Variants in CNTN3 observed in about 807,000 individuals in gnomAD.
CNTN3 encodes contactin-3.
Under a neutral mutation model 119.1 loss-of-function variants are expected in CNTN3, and 60 were observed. The observed-to-expected ratio is 0.50, with a 90% CI of 0.41 to 0.62. The LOEUF is 0.62. CNTN3 is among the 20% of genes least tolerant of loss of function. The pLI is 0.00. For synonymous variants in CNTN3, 450 were observed against 438.7 expected, an observed-to-expected ratio of 1.03 and a Z score of -0.32; for missense variants, 1,101 against 1,242.4, an observed-to-expected ratio of 0.89 and a Z score of 1.71.
chr3:74,446,107 G>A (rs111967643), intron 4 of CNTN3, among the ~76,000 whole-genome samples: 4,922 of 152,188 alleles, frequency 0.032, 112 homozygotes, highest in Non-Finnish European at 0.05. Context: ...CAGAAGAACT[G>A]GCCTTGAGTC....
intron 5 of CNTN3, among the ~76,000 whole-genome samples, chr3:74,372,826 CAGG>C (rs1292413196): frequency 7.9e-5 from 12 of 151,970 alleles, no homozygotes; most frequent in Admixed American, 7.9e-4. Context: ...CCTTAAAGGA[CAGG>C]AGAACACCCC....
chr3:74,328,309 T>C (rs1410436344), intron 13 of CNTN3, among the ~76,000 whole-genome samples: 1 of 152,190 alleles, frequency 6.6e-6, no homozygotes, highest in Non-Finnish European at 1.5e-5. Flanking sequence ...TTATTTTATT[T>C]TCATGACAAA....
intron 13 of CNTN3, among the ~76,000 whole-genome samples, chr3:74,314,048 T>C (rs754522360): frequency 1.3e-5 from 2 of 152,188 alleles, no homozygotes; most frequent in Non-Finnish European, 2.9e-5. Context: ...CATGAGGGCT[T>C]TACCCCAATG....
intron 4 of CNTN3, among the ~76,000 whole-genome samples, chr3:74,459,549 T>G (rs1702328116): frequency 6.6e-6 from 1 of 152,022 alleles, no homozygotes; most frequent in African/African-American, 2.4e-5. Flanking sequence ...TCTCTGTAAA[T>G]TCTAGGGTTC....
At chr3:74,334,644 A>C in intron 13 of CNTN3, 91 bp downstream of exon 13, 1 of 1,142,508 alleles carries the variant, frequency 8.8e-7, no homozygotes, top group Non-Finnish European at 1.2e-6. Context: ...AAACATTTCT[A>C]GAGCATTGTC....
Position 74,502,002 on chromosome 3 carries a change from C to A in CNTN3, c.56-2217G>T, listed in dbSNP as rs180722657. On this transcript the variant is annotated intron_variant, in intron 2 of 22. Transcript: ENST00000263665. ...AATTGAATTTATTGTCCTAGAAAGT[C>A]GAAAATATTTGTGATGTCTTTTTAC... 2.0e-5 allele frequency among the ~76,000 whole-genome samples: 3 copies of A among 151,922 alleles called. No individual in the cohort carries two copies. In the South Asian group the frequency reaches 6.2e-4, roughly 31 times the overall value.
intron 13 of CNTN3, among the ~76,000 whole-genome samples, chr3:74,310,853 C>T (rs1215171774): frequency 6.6e-6 from 1 of 152,138 alleles, no homozygotes; most frequent in Non-Finnish European, 1.5e-5. Context: ...TCTGCCACAG[C>T]CTTCCAGATC....
At chr3:74,284,596 AT>A (rs1378403663) in intron 20 of CNTN3, among the ~76,000 whole-genome samples, 1 of 152,206 alleles carries the variant, frequency 6.6e-6, no homozygotes. Context: ...AAACATTTGC[AT>A]TGTAAGTACC....
At chr3:74,392,974 G>A (rs189834349) in intron 5 of CNTN3, among the ~76,000 whole-genome samples, 1 of 151,916 alleles carries the variant, frequency 6.6e-6, no homozygotes, top group Admixed American at 6.6e-5. Context: ...TTCATAAATG[G>A]TACTGTGTTA....
intron 3 of CNTN3, among the ~76,000 whole-genome samples, chr3:74,494,843 T>A (rs777220648): frequency 2.6e-5 from 4 of 152,100 alleles, no homozygotes; most frequent in Non-Finnish European, 4.4e-5. Context: ...TACAGCCTAC[T>A]AGGGCAATCT....
intron 2 of CNTN3, among the ~76,000 whole-genome samples, chr3:74,512,768 T>G (rs544028060): frequency 1.3e-5 from 2 of 150,708 alleles, no homozygotes; most frequent in Non-Finnish European, 3.0e-5. Flanking sequence ...GTAAAATTAT[T>G]CCTTAATGAA....
At chr3:74,582,606 C>T (rs1230339339) in intron 1 of CNTN3, among the ~76,000 whole-genome samples, 1 of 152,154 alleles carries the variant, frequency 6.6e-6, no homozygotes, top group Non-Finnish European at 1.5e-5. Flanking sequence ...CTTACAGCAT[C>T]AGCCATGCAA....
At chr3:74,586,955 A>G (rs1489788790) in intron 1 of CNTN3, among the ~76,000 whole-genome samples, 1 of 151,994 alleles carries the variant, frequency 6.6e-6, no homozygotes, top group Non-Finnish European at 1.5e-5. Flanking sequence ...TGACTTGACT[A>G]TGGTGAACTG....
chr3:74,335,452 C>T (rs1703368869), intron 12 of CNTN3, among the ~76,000 whole-genome samples: 1 of 152,120 alleles, frequency 6.6e-6, no homozygotes, highest in African/African-American at 2.4e-5. Context: ...ACATTTCTTT[C>T]TCCCTGTCAT....
intron 1 of CNTN3, among the ~76,000 whole-genome samples, chr3:74,570,563 C>T (rs1575837041): frequency 6.6e-6 from 1 of 151,314 alleles, no homozygotes; most frequent in South Asian, 2.1e-4. Flanking sequence ...AAAAAATGAT[C>T]CTACCTGGGA....
intron 1 of CNTN3, among the ~76,000 whole-genome samples, chr3:74,566,298 C>T (rs1346849257): frequency 6.6e-6 from 1 of 152,126 alleles, no homozygotes; most frequent in East Asian, 1.9e-4. Flanking sequence ...TGTTACCACC[C>T]CCAGGCCACC....
chr3:74,430,373 T>C (rs1193223376), intron 4 of CNTN3, among the ~76,000 whole-genome samples: 1 of 152,214 alleles, frequency 6.6e-6, no homozygotes, highest in Non-Finnish European at 1.5e-5. Flanking sequence ...TTATGCTGAC[T>C]GAAATATGCC....
chr3:74,348,591 T>A (rs79313754), intron 11 of CNTN3, among the ~76,000 whole-genome samples: 1 of 152,042 alleles, frequency 6.6e-6, no homozygotes, highest in Non-Finnish European at 1.5e-5. Flanking sequence ...GGAGAGACCA[T>A]AAGCAGAGGC....
intron 1 of CNTN3, among the ~76,000 whole-genome samples, chr3:74,541,751 T>C (rs9839847): frequency 0.99 from 150,697 of 152,298 alleles, 74,567 homozygotes; most frequent in Middle Eastern, 1. Context: ...TACATACATG[T>C]ATCATATATT....
Sources: allele counts gnomAD v4.1 joint callset (sites outside exome capture counted in the v4.1 genomes callset), GRCh38; gene constraint gnomAD v4.1.1; transcripts MANE v1.5; gene names NCBI Gene and HGNC (gene_info 2026-07-23, HGNC 2026-07-21).